SCG5: variants seen among roughly 807,000 people sequenced by gnomAD.
The protein encoded by SCG5 is neuroendocrine protein 7B2.
A neutral mutation model predicts 25.7 loss-of-function variants in SCG5; 18 were observed. That is an observed-to-expected ratio of 0.70 (90% CI 0.48 to 1.04). The LOEUF (loss-of-function observed/expected upper bound fraction) is 1.04, where lower values mean the gene tolerates loss of function less well. Among genes scored for constraint, SCG5 ranks in the 50% least tolerant of loss-of-function variants. The pLI is 0.00. For missense variants in SCG5, 206 were observed against 259.8 expected, an observed-to-expected ratio of 0.79 and a Z score of 1.42; for synonymous variants, 101 against 91.7, an observed-to-expected ratio of 1.10 and a Z score of -0.58.
At chr15:32,684,489 G>A (rs2054669658) in intron 3 of SCG5, 68 bp from the exon 4 acceptor site, 2 of 1,019,310 alleles carry the variant, frequency 2.0e-6, no homozygotes, top group East Asian at 2.6e-5. Flanking sequence ...AGTTGTTTTT[G>A]ATAAATTAAC....
intron 2 of SCG5, among the ~76,000 whole-genome samples, chr15:32,647,503 C>T (rs1195100266): frequency 6.6e-6 from 1 of 152,052 alleles, no homozygotes; most frequent in African/African-American, 2.4e-5. Context: ...TCATATATCC[C>T]ATTAAAAAAA....
At chr15:32,662,553 T>G (rs1340663099) in intron 2 of SCG5, among the ~76,000 whole-genome samples, 1 of 151,820 alleles carries the variant, frequency 6.6e-6, no homozygotes, top group Non-Finnish European at 1.5e-5. Context: ...CTAATTTTTG[T>G]CTATCCACTT....
At chr15:32,674,355 T>C (rs1401095735) in intron 2 of SCG5, among the ~76,000 whole-genome samples, 2 of 152,126 alleles carry the variant, frequency 1.3e-5, no homozygotes, top group African/African-American at 4.8e-5. Flanking sequence ...GAGAGTCAAA[T>C]TATATCAAGA....
chr15:32,657,209 A>ATATATATATATGTATG lies in SCG5; in HGVS notation c.226+13394_226+13395insATATATATGTATGTAT. Among the ~76,000 whole-genome samples, 6 of 38,744 alleles carry ATATATATATATGTATG rather than the reference A, an allele frequency of 1.5e-4. 1 individual carries two copies. The highest frequency in any genetic ancestry group is 3.8e-4 in the Admixed American group (1 of 2,658). 25.4% of individuals were successfully genotyped at this position (38,744 alleles called of 152,430 possible). On this transcript the variant is annotated intron_variant, in intron 2 of 5. Coordinates refer to ENST00000300175, the MANE Select transcript of SCG5 (RefSeq NM_001144757.3). ...TTCTTTCATCCTCCTGTATATATAT[A>ATATATATATATGTATG]TATGTATGTATTTCCAGGTGTAAGT... is the stretch of plus-strand genomic sequence containing the variant.
At chr15:32,669,118 C>G (rs552126546) in intron 2 of SCG5, 9 of 152,290 alleles carry the variant, frequency 5.9e-5, no homozygotes, top group Non-Finnish European at 1.0e-4. Context: ...AGTTGCAAAT[C>G]CTACAGGAGC....
intron 2 of SCG5, among the ~76,000 whole-genome samples, chr15:32,648,771 C>CTTT (rs67887619): frequency 5.4e-5 from 6 of 111,524 alleles, no homozygotes; most frequent in South Asian, 2.8e-4. Flanking sequence ...TTGCAGTCTC[C>CTTT]TTTTTTTTTT....
intron 2 of SCG5, among the ~76,000 whole-genome samples, chr15:32,646,057 C>T (rs1345767062): frequency 3.3e-5 from 5 of 151,942 alleles, no homozygotes; most frequent in Admixed American, 1.3e-4. Context: ...CCTCATGATC[C>T]GCCTGCCTCG....
intron 2 of SCG5, among the ~76,000 whole-genome samples, chr15:32,650,170 C>T (rs950615123): frequency 2.0e-5 from 3 of 152,178 alleles, no homozygotes; most frequent in Non-Finnish European, 4.4e-5. Flanking sequence ...GATCTCAGCT[C>T]ACTGCAAGCT....
At chr15:32,690,632 G>A (rs529053664) in intron 4 of SCG5, among the ~76,000 whole-genome samples, 1 of 152,332 alleles carries the variant, frequency 6.6e-6, no homozygotes, top group Non-Finnish European at 1.5e-5. Context: ...GATATGCATT[G>A]TAAATTGCAG....
chr15:32,667,904 A>T (rs112068504), intron 2 of SCG5, among the ~76,000 whole-genome samples: 32,310 of 152,040 alleles, frequency 0.21, 3,621 homozygotes, highest in Non-Finnish European at 0.24. Flanking sequence ...CAAACTCCTG[A>T]CCTCAAGTGA....
At chr15:32,696,275 G>T (rs1006981923) in intron 5 of SCG5, among the ~76,000 whole-genome samples, 1 of 151,992 alleles carries the variant, frequency 6.6e-6, no homozygotes, top group Non-Finnish European at 1.5e-5. Flanking sequence ...CCACCACCAC[G>T]CCCGGCTAAT....
At chr15:32,690,171 A>G (rs1158526602) in intron 4 of SCG5, among the ~76,000 whole-genome samples, 1 of 152,196 alleles carries the variant, frequency 6.6e-6, no homozygotes. Flanking sequence ...GATCTCCTAA[A>G]GAATTAAATG....
intron 2 of SCG5, among the ~76,000 whole-genome samples, chr15:32,677,397 T>C (rs1376751831): frequency 6.6e-6 from 1 of 152,198 alleles, no homozygotes; most frequent in Non-Finnish European, 1.5e-5. Flanking sequence ...CCCAGGACAC[T>C]GAGATCTAGT....
At chr15:32,696,007 A>G (rs2054952127) in intron 5 of SCG5, among the ~76,000 whole-genome samples, 1 of 152,228 alleles carries the variant, frequency 6.6e-6, no homozygotes, top group African/African-American at 2.4e-5. Context: ...AAAATGTTTC[A>G]TAGGCCACTG....
intron 2 of SCG5, among the ~76,000 whole-genome samples, chr15:32,675,427 A>G (rs1417060869): frequency 6.6e-6 from 1 of 152,212 alleles, no homozygotes; most frequent in African/African-American, 2.4e-5. Flanking sequence ...TTAGAGAAGA[A>G]CTTCTTAATT....
At chr15:32,680,241 G>C (rs561014233) in intron 3 of SCG5, among the ~76,000 whole-genome samples, 142 of 143,252 alleles carry the variant, frequency 9.9e-4, no homozygotes, top group African/African-American at 3.6e-3. Flanking sequence ...TGTCACCCAG[G>C]CTGGAGTGCA....
At chr15:32,689,564 C>T (rs2054803442) in intron 4 of SCG5, among the ~76,000 whole-genome samples, 1 of 152,176 alleles carries the variant, frequency 6.6e-6, no homozygotes, top group Non-Finnish European at 1.5e-5. Context: ...GAACCTGCTA[C>T]TCACATGGAA....
chr15:32,655,217 A>T (rs920121834), intron 2 of SCG5, among the ~76,000 whole-genome samples: 3 of 152,060 alleles, frequency 2.0e-5, no homozygotes, highest in Admixed American at 6.5e-5. Flanking sequence ...CTGAGGCAGG[A>T]GAATGGCATG....
Position 32,696,554 on chromosome 15 carries a change from T to C in SCG5, c.584T>C (p.Val195Ala), listed in dbSNP as rs747420400. The change falls in exon 6 of 6, where the codon GTT becomes GCT. Residue 195 changes from valine to alanine, a missense_variant. Physicochemically the swap from Val to Ala is moderately conservative, Grantham distance 64 (BLOSUM62 0). Transcript: ENST00000300175. ...PYLQGQRLDN[V>A]VAKKSVPHFS... ...CTACAAGGACAGAGACTGGATAATG[T>C]TGTTGCAAAGAAGTCTGTCCCCCAT... 1.2e-6 allele frequency: 2 copies of C among 1,613,246 alleles called. No individual in the cohort carries two copies. Among genetic ancestry groups the C allele is most frequent in the Non-Finnish European group, 1.7e-6 (2 of 1,179,536 alleles).
Sources: allele counts gnomAD v4.1 joint callset (sites outside exome capture counted in the v4.1 genomes callset), GRCh38; gene constraint gnomAD v4.1.1; transcripts MANE v1.5; gene names NCBI Gene and HGNC (gene_info 2026-07-23, HGNC 2026-07-21).